The following USP47 variants were observed in gnomAD, a reference collection of about 807,000 sequenced individuals.
USP47 encodes ubiquitin specific peptidase 47, also known as ubiquitin carboxyl-terminal hydrolase 47.
A neutral mutation model predicts 165.1 loss-of-function variants in USP47; 35 were observed. The ratio of observed to expected loss-of-function variants is 0.21; its 90% CI spans 0.16 to 0.28. The LOEUF (loss-of-function observed/expected upper bound fraction) is 0.28, where lower values mean the gene tolerates loss of function less well. Ranked by LOEUF, USP47 falls within the 10% of genes least tolerant of loss-of-function variation. The probability of loss-of-function intolerance (pLI) is 1.00; values close to 1 mark genes in which losing one functional copy is unlikely to be tolerated. For synonymous variants in USP47, 531 were observed against 544.5 expected (o/e 0.98, Z 0.35); for missense variants, 1,277 against 1,607.4 (o/e 0.79, Z 3.52).
intron 1 of USP47, among the ~76,000 whole-genome samples, chr11:11,855,411 A>G (rs914983213): frequency 6.6e-6 from 1 of 152,220 alleles, no homozygotes; most frequent in African/African-American, 2.4e-5. Flanking sequence ...TACTATGATG[A>G]TGCTTTAAAT....
intron 1 of USP47, among the ~76,000 whole-genome samples, chr11:11,872,168 A>C (rs1850111212): frequency 6.6e-6 from 1 of 152,028 alleles, no homozygotes; most frequent in Admixed American, 6.6e-5. Flanking sequence ...AAGCTTCCTC[A>C]CTCAACATGT....
At position 11,851,943 on chromosome 11, in the gene USP47, C is replaced by T. The variant is rs868309181; in HGVS notation, c.39+9719C>T. Among the ~76,000 whole-genome samples the T allele has an allele frequency of 2.6e-5, 4 of 152,124 alleles. No homozygotes were observed. The South Asian group carries it at 8.3e-4, about 32-fold the overall frequency. On this transcript the variant is annotated intron_variant, in intron 1 of 27. Coordinates refer to ENST00000527733, the MANE Select transcript of USP47 (RefSeq NM_001282659.2). ...TTGGTAGGGGGGCATGATGCTGATACGTACTACTGGTGATGTTAACCTTGA... is the reference window on the plus strand; with the variant it reads ...TTGGTAGGGGGGCATGATGCTGATATGTACTACTGGTGATGTTAACCTTGA...
chr11:11,879,367 GC>G (rs575516172), intron 1 of USP47, among the ~76,000 whole-genome samples: 4 of 152,132 alleles, frequency 2.6e-5, no homozygotes, highest in Non-Finnish European at 4.4e-5. Flanking sequence ...CATTGAGATG[GC>G]CATTATAGAA....
chr11:11,903,124 G>T, intron 6 of USP47, 139 bp from the exon 7 acceptor site: 1 of 831,140 alleles, frequency 1.2e-6, no homozygotes, highest in Non-Finnish European at 1.8e-6. Context: ...TGACTGTCAT[G>T]TATATTCTTA....
Position 11,930,108 on chromosome 11 carries a change from G to C in USP47, c.1583G>C (p.Ser528Thr), listed in dbSNP as rs1419671716. The change falls in exon 13 of 28, where the codon AGT (serine) becomes ACT (threonine). Residue 528 changes from serine (S) to threonine (T), a missense_variant. Ser to Thr is a moderately conservative substitution (Grantham distance 58, BLOSUM62 1). Transcript: ENST00000527733. ...TCAGGAAGCAGAGGATATTATTCTA[G>C]TGCTTTCGCAAGGTAAGCAATTTCC... ...GSSGSRGYYS[S>T]AFASSTNAYM... The C allele has an allele frequency of 6.2e-7, 1 of 1,612,648 alleles. No individual in the cohort carries two copies. Among genetic ancestry groups the C allele is most frequent in the East Asian group, 2.2e-5 (1 of 44,834 alleles).
intron 14 of USP47, among the ~76,000 whole-genome samples, chr11:11,931,988 A>G (rs72857629): frequency 0.059 from 8,955 of 152,286 alleles, 343 homozygotes; most frequent in Middle Eastern, 0.2. Context: ...TCGCATTGCT[A>G]TAAAGAAATA....
chr11:11,895,106 T>C (rs1177027023), intron 4 of USP47, among the ~76,000 whole-genome samples: 1 of 152,174 alleles, frequency 6.6e-6, no homozygotes, highest in Non-Finnish European at 1.5e-5. Context: ...ATTGCTGATA[T>C]TATTATGAAA....
intron 8 of USP47, among the ~76,000 whole-genome samples, chr11:11,908,124 C>T (rs1184386019): frequency 1.3e-5 from 2 of 152,170 alleles, no homozygotes; most frequent in African/African-American, 4.8e-5. Context: ...TAGACATATA[C>T]ACTAGCACGT....
At chr11:11,855,968 G>A (rs1849016668) in intron 1 of USP47, among the ~76,000 whole-genome samples, 2 of 152,182 alleles carry the variant, frequency 1.3e-5, no homozygotes, top group African/African-American at 4.8e-5. Flanking sequence ...GCGGGGAGCA[G>A]CTGGCTTTCT....
At chr11:11,905,656 G>A in intron 8 of USP47, 108 bp downstream of exon 8, 2 of 1,133,962 alleles carry the variant, frequency 1.8e-6, no homozygotes, top group Non-Finnish European at 2.3e-6. Flanking sequence ...ACCTTCTTGG[G>A]TTGTTAGTCA....
chr11:11,887,198 A>G (rs748955230), intron 3 of USP47, among the ~76,000 whole-genome samples: 2 of 152,202 alleles, frequency 1.3e-5, no homozygotes, highest in African/African-American at 4.8e-5. Context: ...AGCTAGCATC[A>G]TGATGACAGT....
intron 8 of USP47, among the ~76,000 whole-genome samples, chr11:11,911,153 A>T (rs1048595255): frequency 6.6e-6 from 1 of 152,210 alleles, no homozygotes; most frequent in Non-Finnish European, 1.5e-5. Flanking sequence ...ACTTGAAGAT[A>T]GAATGATAGA....
At chr11:11,938,793 A>G (rs1247603701) in intron 18 of USP47, among the ~76,000 whole-genome samples, 1 of 151,888 alleles carries the variant, frequency 6.6e-6, no homozygotes, top group Non-Finnish European at 1.5e-5. Context: ...GGGAGTCAGG[A>G]ATGGAGAGGA....
chr11:11,942,650 A>T lies in USP47; in HGVS notation c.2629A>T (p.Ser877Cys), dbSNP rs754088525. ...QQQDGDNGDS[S>C]KSTETSDFEN... ...GCAGGATGGAGATAATGGGGACAGC[A>T]GCAAAAGTACTGAGACAAGTGACTT... is the stretch of plus-strand genomic sequence containing the variant. Residue 877 changes from serine (S) to cysteine (C), a missense_variant, in exon 20 of 28, where the codon AGC becomes TGC. This residue lies in a region of USP47 where 909 missense variants were observed against 1,068.1 expected (regional missense o/e 0.85). Transcript: ENST00000527733. 1 of 1,613,548 alleles carries T rather than the reference A, an allele frequency of 6.2e-7. No individual in the cohort carries two copies. Among genetic ancestry groups the T allele is most frequent in the Non-Finnish European group, 8.5e-7 (1 of 1,179,768 alleles).
chr11:11,922,981 T>C (rs1853948529), intron 11 of USP47, 90 bp downstream of exon 11: 1 of 1,198,060 alleles, frequency 8.3e-7, no homozygotes, highest in Admixed American at 2.9e-5. Flanking sequence ...CTGATAAAGT[T>C]ATCTTTAAAA....
intron 1 of USP47, among the ~76,000 whole-genome samples, chr11:11,878,813 C>G (rs1438770913): frequency 6.6e-6 from 1 of 152,056 alleles, no homozygotes; most frequent in African/African-American, 2.4e-5. Flanking sequence ...GTCACAGAAA[C>G]AAATGATAAT....
chr11:11,950,185 T>C (rs1856124423), intron 23 of USP47, among the ~76,000 whole-genome samples, 179 bp from the exon 24 acceptor site: 1 of 152,192 alleles, frequency 6.6e-6, no homozygotes, highest in African/African-American at 2.4e-5. Context: ...GGATTTCCTA[T>C]ACAGAATTCT....
intron 1 of USP47, among the ~76,000 whole-genome samples, chr11:11,878,014 A>G (rs371437316): frequency 6.6e-5 from 10 of 152,100 alleles, no homozygotes; most frequent in East Asian, 1.9e-4. Flanking sequence ...AAGAAGGGCT[A>G]TTACTAAAAA....
intron 1 of USP47, among the ~76,000 whole-genome samples, chr11:11,864,846 A>G (rs1343962622): frequency 6.6e-6 from 1 of 152,040 alleles, no homozygotes; most frequent in East Asian, 1.9e-4. Context: ...GTCTGCTGGC[A>G]TCAAATCTTT....
Sources: allele counts gnomAD v4.1 joint callset (sites outside exome capture counted in the v4.1 genomes callset), GRCh38; gene constraint gnomAD v4.1.1; regional missense constraint gnomAD v4.1.1; transcripts MANE v1.5; gene names NCBI Gene and HGNC (gene_info 2026-07-23, HGNC 2026-07-21).